Variants in NSD1 observed in about 807,000 individuals in gnomAD.
The protein encoded by NSD1 is histone-lysine N-methyltransferase, H3 lysine-36 specific.
Under a neutral mutation model 242.7 loss-of-function variants are expected in NSD1, and 26 were observed. The ratio of observed to expected loss-of-function variants is 0.11; its 90% confidence interval spans 0.08 to 0.15. NSD1 has a LOEUF of 0.15. Among genes scored for constraint, NSD1 ranks in the 10% least tolerant of loss-of-function variants. NSD1 has a pLI of 1.00. For missense variants in NSD1, 2,495 were observed against 3,272.8 expected (o/e 0.76, Z 5.80); for synonymous variants, 1,106 against 1,178.1 (o/e 0.94, Z 1.25).
rs1756661475 is a variant in NSD1 at position 177,257,997 on chromosome 5, T to TTTTTTA, written c.4966+846_4966+847insTTTTTA. Among the ~76,000 whole-genome samples, 9 of 144,122 alleles carry TTTTTTA rather than the reference T, an allele frequency of 6.2e-5. 1 individual carries two copies. The highest frequency in any genetic ancestry group is 6.0e-5 in the Non-Finnish European group (4 of 66,140). 94.5% of individuals were successfully genotyped at this position (144,122 alleles called of 152,430 possible). On this transcript the variant is annotated intron_variant, in intron 13 of 22. Transcript: ENST00000439151. ...CCTTTTTTTTTTTTTTTTTTTTTTT[T>TTTTTTA]GAGATGGAGTTTCGCTTTTGTTGCC...
chr5:177,207,799 G>A (rs776464105), intron 4 of NSD1, among the ~76,000 whole-genome samples: 4 of 151,856 alleles, frequency 2.6e-5, no homozygotes, highest in Non-Finnish European at 5.9e-5. Flanking sequence ...CTGGAGTGCA[G>A]TGGCACGGTT....
At position 177,292,010 on chromosome 5, in the gene NSD1, A is replaced by G; in HGVS notation, c.6315A>G (p.Gly2105=). 1 of 1,614,136 alleles carries G rather than the reference A, an allele frequency of 6.2e-7. No homozygotes were observed. The highest frequency in any genetic ancestry group is 8.5e-7 in the Non-Finnish European group (1 of 1,180,006). The part of the protein sequence containing the change: ...KSKKFKKKQQ[G]KRRTQGEITK... ...AGAAATTCAAGAAGAAGCAACAGGG[A>G]AAGCGCAGGACCCAGGGTGAAATCA... Residue 2105 remains glycine (G), a synonymous_variant, in exon 22 of 23, where the codon GGA becomes GGG. Coordinates refer to ENST00000439151, the MANE Select transcript of NSD1 (RefSeq NM_022455.5).
At chr5:177,266,192 A>C in intron 14 of NSD1, 1 of 1,033,850 alleles carries the variant, frequency 9.7e-7, no homozygotes, top group Non-Finnish European at 1.5e-6. Context: ...TAGAAGAGGC[A>C]GTTAGCCCAT....
chr5:177,202,332 C>T (rs551657133), intron 3 of NSD1, among the ~76,000 whole-genome samples: 45 of 151,948 alleles, frequency 3.0e-4, no homozygotes, highest in African/African-American at 1.1e-3. Flanking sequence ...TCTTTTTTCT[C>T]CTCACGTTGC....
chr5:177,292,650 C>T (rs1759933730), intron 22 of NSD1, among the ~76,000 whole-genome samples: 7 of 152,220 alleles, frequency 4.6e-5, no homozygotes, highest in Admixed American at 4.6e-4. Flanking sequence ...ACCTTGCTCC[C>T]CTACGCCTAG....
chr5:177,298,510 A>G lies in NSD1; in HGVS notation c.*3051A>G, dbSNP rs1439159585. 7 of 233,226 alleles carry G rather than the reference A, an allele frequency of 3.0e-5. No individual in the cohort carries two copies. Among genetic ancestry groups the G allele is most frequent in the Non-Finnish European group, 5.9e-5 (7 of 118,070 alleles). The allele number at this position is 233,226 out of a possible 1,614,324, so 14.4% of individuals were successfully genotyped here. On this transcript the variant is annotated 3_prime_UTR_variant, in exon 23 of 23. Transcript: ENST00000439151. The stretch of plus-strand genomic sequence containing the variant: ...CCAGTCTAATAGCAAAATAGCTGTC[A>G]TTGATACAGAAACATCCTCATTTTT...
intron 4 of NSD1, among the ~76,000 whole-genome samples, chr5:177,207,449 A>G: frequency 6.7e-6 from 1 of 150,150 alleles, no homozygotes; most frequent in Non-Finnish European, 1.5e-5. Flanking sequence ...GGCCTGGCTA[A>G]TTTTTTATAT....
intron 2 of NSD1, among the ~76,000 whole-genome samples, chr5:177,158,293 C>CTTTCTTTCTTTCTT (rs1758350204): frequency 1.3e-5 from 1 of 77,674 alleles, no homozygotes; most frequent in Non-Finnish European, 2.7e-5. Flanking sequence ...TTCTTTCTTT[C>CTTTCTTTCTTTCTT]TTTCTTTCTT....
chr5:177,239,431 C>T (rs903091601), intron 7 of NSD1, among the ~76,000 whole-genome samples: 1 of 152,204 alleles, frequency 6.6e-6, no homozygotes, highest in Non-Finnish European at 1.5e-5. Flanking sequence ...TTCTATTTCA[C>T]TCCACTTCTC....
At chr5:177,166,635 T>A (rs1314868809) in intron 2 of NSD1, among the ~76,000 whole-genome samples, 1 of 152,136 alleles carries the variant, frequency 6.6e-6, no homozygotes, top group African/African-American at 2.4e-5. Context: ...GTTCAATCTA[T>A]GAATCCTTTG....
chr5:177,269,162 ATATTCCTACTAAT>A lies in NSD1; in HGVS notation c.5304-435_5304-423del, dbSNP rs1454610168. Among the ~76,000 whole-genome samples, 1 of 152,168 alleles carries A rather than the reference ATATTCCTACTAAT, an allele frequency of 6.6e-6. No individual in the cohort carries two copies. Among genetic ancestry groups the A allele is most frequent in the Non-Finnish European group, 1.5e-5 (1 of 68,042 alleles). On this transcript the variant is annotated intron_variant, in intron 15 of 22. Coordinates refer to ENST00000439151, the MANE Select transcript of NSD1 (RefSeq NM_022455.5). This position sits in a 1 kb window ranked among gnomAD's most constrained non-coding sequence, Gnocchi z 5.1. ...TTTGATTTCTTGGTGCTGTTCTCCC[ATATTCCTACTAAT>A]TATTGAAGGTTTCCTTTTTAAAGAC...
At chr5:177,199,761 G>A (rs1390401925) in intron 3 of NSD1, among the ~76,000 whole-genome samples, 5 of 151,856 alleles carry the variant, frequency 3.3e-5, no homozygotes, top group South Asian at 2.1e-4. Context: ...CACCACGCCC[G>A]GCTAATTTAA....
intron 15 of NSD1, among the ~76,000 whole-genome samples, chr5:177,268,437 C>T (rs1049827944): frequency 6.6e-6 from 1 of 151,458 alleles, no homozygotes; most frequent in African/African-American, 2.4e-5. Context: ...TGTAACAAAC[C>T]ACGTTGTGCA....
intron 2 of NSD1, among the ~76,000 whole-genome samples, chr5:177,142,270 G>T (rs988582971): frequency 1.3e-5 from 2 of 151,984 alleles, no homozygotes; most frequent in African/African-American, 2.4e-5. Context: ...AAATACATTT[G>T]AGTACCTCTT....
At chr5:177,161,680 C>CTTTTTTTTTTTTT (rs57657595) in intron 2 of NSD1, among the ~76,000 whole-genome samples, 7 of 135,240 alleles carry the variant, frequency 5.2e-5, no homozygotes, top group African/African-American at 5.6e-5. Flanking sequence ...TTCTTTCTTT[C>CTTTTTTTTTTTTT]TTTTTTTTTT....
At chr5:177,144,470 A>G (rs1304416281) in intron 2 of NSD1, among the ~76,000 whole-genome samples, 1 of 152,120 alleles carries the variant, frequency 6.6e-6, no homozygotes, top group Non-Finnish European at 1.5e-5. Context: ...TTTAATTAGT[A>G]ATCAGGAGCA....
At chr5:177,275,433 GTCTTTTT>G (rs1758294385) in intron 17 of NSD1, among the ~76,000 whole-genome samples, 1 of 60,648 alleles carries the variant, frequency 1.6e-5, no homozygotes, top group Non-Finnish European at 3.5e-5. Context: ...TGCTTCCCTT[GTCTTTTT>G]TTTTTTTTTT....
chr5:177,196,019 T>C (rs1762079209), intron 3 of NSD1, among the ~76,000 whole-genome samples: 1 of 152,170 alleles, frequency 6.6e-6, no homozygotes, highest in Admixed American at 6.5e-5. Context: ...TTCAGTGATA[T>C]AACAGGGATA....
At chr5:177,206,855 C>T (rs186808760) in intron 4 of NSD1, among the ~76,000 whole-genome samples, 3 of 133,104 alleles carry the variant, frequency 2.3e-5, no homozygotes, top group Non-Finnish European at 4.6e-5. Flanking sequence ...TGTTTCTGTG[C>T]TTAAAAAAAA....
Sources: allele counts gnomAD v4.1 joint callset (sites outside exome capture counted in the v4.1 genomes callset), GRCh38; gene constraint gnomAD v4.1.1; non-coding constraint Gnocchi (gnomAD v3.1); transcripts MANE v1.5; gene names NCBI Gene and HGNC (gene_info 2026-07-23, HGNC 2026-07-21).